Variants in TPP2 observed in about 807,000 individuals in gnomAD.
TPP2 encodes the protein tripeptidyl-peptidase 2.
Under a neutral mutation model 155.9 loss-of-function variants are expected in TPP2, and 34 were observed. That is an observed-to-expected ratio of 0.22 (90% CI 0.17 to 0.29). The LOEUF is 0.29. Among genes scored for constraint, TPP2 ranks in the 10% least tolerant of loss-of-function variants. The probability of loss-of-function intolerance (pLI) is 1.00; values close to 1 mark genes in which losing one functional copy is unlikely to be tolerated. For missense variants in TPP2, 1,028 were observed against 1,522.3 expected (o/e 0.68, Z 5.40); for synonymous variants, 510 against 529.4 (o/e 0.96, Z 0.50).
Position 102,604,913 on chromosome 13 carries a change from G to T in TPP2, c.286G>T (p.Val96Leu). Residue 96 changes from valine (V) to leucine (L), a missense_variant, in exon 2 of 30, where the codon GTG (valine) becomes TTG (leucine). Val to Leu is a conservative substitution (Grantham distance 32). Coordinates refer to ENST00000376052, the MANE Select transcript of TPP2 (RefSeq NM_001330588.2). The part of the protein sequence containing the change: ...DGEIVGLSGR[V>L]LKIPASWTNP... ...TGAGATTGTTGGCCTTTCAGGAAGAGTGCTTAAGGTGAGACCTTTTGTCTT... is the reference window on the plus strand; with the variant it reads ...TGAGATTGTTGGCCTTTCAGGAAGATTGCTTAAGGTGAGACCTTTTGTCTT... The T allele has an allele frequency of 6.2e-7, 1 of 1,610,372 alleles. No homozygotes were observed. Among genetic ancestry groups the T allele is most frequent in the Non-Finnish European group, 8.5e-7 (1 of 1,179,086 alleles).
At chr13:102,613,328 A>T (rs554480812) in intron 2 of TPP2, among the ~76,000 whole-genome samples, 36 of 152,350 alleles carry the variant, frequency 2.4e-4, no homozygotes, top group Admixed American at 1.1e-3. Flanking sequence ...AAGGTATTGC[A>T]CAAGTGAGGA....
chr13:102,636,156 G>A (rs1882363989), intron 12 of TPP2, 68 bp from the exon 13 acceptor site: 1 of 1,431,380 alleles, frequency 7.0e-7, no homozygotes, highest in African/African-American at 1.4e-5. Context: ...CAAATTGATT[G>A]GTAATTTGCA....
At chr13:102,604,655 TG>T in intron 1 of TPP2, 137 bp from the exon 2 acceptor site, 2 of 991,890 alleles carry the variant, frequency 2.0e-6, no homozygotes, top group Non-Finnish European at 1.4e-6. Context: ...TTCAGGCTTT[TG>T]GCTTAAAACA....
At chr13:102,664,521 A>G (rs1884460884) in intron 26 of TPP2, among the ~76,000 whole-genome samples, 1 of 152,184 alleles carries the variant, frequency 6.6e-6, no homozygotes, top group Non-Finnish European at 1.5e-5. Context: ...TTACATTTTT[A>G]TGAAGTTTAT....
At chr13:102,621,069 C>CT (rs575404495) in intron 5 of TPP2, among the ~76,000 whole-genome samples, 22 of 152,204 alleles carry the variant, frequency 1.4e-4, no homozygotes, top group Non-Finnish European at 3.1e-4. Flanking sequence ...ATTCAGTCAA[C>CT]TAGACCTTCA....
intron 12 of TPP2, 110 bp downstream of exon 12, chr13:102,635,812 T>C: frequency 1.2e-6 from 1 of 805,656 alleles, no homozygotes; most frequent in Non-Finnish European, 2.0e-6. Context: ...ATCTGAATTA[T>C]GGATTATATG....
At chr13:102,652,417 T>C (rs1452596755) in intron 24 of TPP2, among the ~76,000 whole-genome samples, 1 of 11,460 alleles carries the variant, frequency 8.7e-5, no homozygotes, top group Non-Finnish European at 1.5e-4. Context: ...TATATATATA[T>C]ATATATATAT....
intron 27 of TPP2, among the ~76,000 whole-genome samples, chr13:102,668,892 C>T (rs1050798065): frequency 2.0e-5 from 3 of 152,130 alleles, no homozygotes; most frequent in Admixed American, 2.0e-4. Flanking sequence ...GGGTTTGTGT[C>T]GTCTGAAGAA....
chr13:102,636,254 A>G lies in TPP2; in HGVS notation c.1540A>G (p.Asn514Asp), dbSNP rs771486856. 2 of 1,613,314 alleles carry G rather than the reference A, an allele frequency of 1.2e-6. No homozygotes were observed. The highest frequency in any genetic ancestry group is 2.7e-5 in the African/African-American group (2 of 74,822). Residue 514 changes from asparagine (N) to aspartate (D), a missense_variant, in exon 13 of 30, where the codon AAT (asparagine) becomes GAT (aspartate). Coordinates refer to ENST00000376052, the MANE Select transcript of TPP2 (RefSeq NM_001330588.2). ...TAAAGCCTATGACTACCTCGTTCAG[A>G]ATACATCATTTGCTAATAAATTAGG... Reference protein sequence around the residue: ...VDKAYDYLVQNTSFANKLGFT... With the variant: ...VDKAYDYLVQDTSFANKLGFT...
At chr13:102,652,133 T>C (rs1883535738) in intron 24 of TPP2, among the ~76,000 whole-genome samples, 1 of 152,120 alleles carries the variant, frequency 6.6e-6, no homozygotes, top group Non-Finnish European at 1.5e-5. Context: ...CCCGGCACTT[T>C]GGGAGGGCAA....
At chr13:102,618,654 G>T in intron 4 of TPP2, 68 bp from the exon 5 acceptor site, 1 of 1,551,468 alleles carries the variant, frequency 6.4e-7, no homozygotes, top group Non-Finnish European at 8.7e-7. Flanking sequence ...TGTATCTTTG[G>T]CTGTATGTTA....
intron 7 of TPP2, among the ~76,000 whole-genome samples, 198 bp from the exon 8 acceptor site, chr13:102,627,650 C>T (rs1230792692): frequency 6.7e-6 from 1 of 148,448 alleles, no homozygotes; most frequent in Non-Finnish European, 1.5e-5. Flanking sequence ...TTAATGACTA[C>T]TTTTTTATGT....
At chr13:102,600,197 C>G (rs1879317994) in intron 1 of TPP2, among the ~76,000 whole-genome samples, 1 of 152,144 alleles carries the variant, frequency 6.6e-6, no homozygotes. Flanking sequence ...TTTGCCTCCC[C>G]TTGAACATTT....
In TPP2 at chr13:102,674,495, C is replaced by T. The variant is rs2139621634; in HGVS notation, c.3579+5C>T. Reference sequence around the variant, plus strand: ...ACTGATCTCTTTGACAATAAGGTAACGTTTCTGCTTCTTGTTTCAGCAAAG... The same window carrying T: ...ACTGATCTCTTTGACAATAAGGTAATGTTTCTGCTTCTTGTTTCAGCAAAG... On this transcript the variant is annotated splice_donor_5th_base_variant and intron_variant, in intron 28 of 29. Coordinates refer to ENST00000376052, the MANE Select transcript of TPP2 (RefSeq NM_001330588.2). 3.7e-6 allele frequency: 6 copies of T among 1,613,312 alleles called. No individual in the cohort carries two copies. The highest frequency in any genetic ancestry group is 3.3e-5 in the Admixed American group (2 of 59,986).
chr13:102,658,962 C>T (rs1194209818), intron 25 of TPP2, among the ~76,000 whole-genome samples: 1 of 152,202 alleles, frequency 6.6e-6, no homozygotes, highest in Non-Finnish European at 1.5e-5. Flanking sequence ...GAGAAGACCA[C>T]AGGAGAGTGC....
intron 25 of TPP2, among the ~76,000 whole-genome samples, chr13:102,658,355 CT>C (rs1008782039): frequency 2.0e-5 from 3 of 152,164 alleles, no homozygotes; most frequent in African/African-American, 7.2e-5. Flanking sequence ...ACCTTTCCCA[CT>C]TAAAACTAAA....
intron 22 of TPP2, 50 bp downstream of exon 22, chr13:102,649,201 C>G (rs1225422135): frequency 3.9e-6 from 6 of 1,534,310 alleles, no homozygotes; most frequent in Non-Finnish European, 5.2e-6. Context: ...ACACTGTAGT[C>G]CTTTTAATGT....
chr13:102,638,136 T>C, intron 14 of TPP2, 103 bp from the exon 15 acceptor site: 1 of 1,126,402 alleles, frequency 8.9e-7, no homozygotes, highest in Non-Finnish European at 1.3e-6. Context: ...GTTAAGACCT[T>C]GATTAAAAGT....
chr13:102,636,436 G>A (rs202045209), intron 13 of TPP2, 44 bp downstream of exon 13: 1 of 1,574,108 alleles, frequency 6.4e-7, no homozygotes, highest in Non-Finnish European at 8.6e-7. Context: ...CACATTTGCT[G>A]TTTGAATGAG....
Sources: gnomAD v4.1 joint callset for allele counts (sites outside exome capture counted in the v4.1 genomes callset) on GRCh38, gnomAD v4.1.1 for gene constraint, MANE v1.5 for transcripts, NCBI Gene and HGNC (gene_info 2026-07-23, HGNC 2026-07-21) for gene names.